The following DENND4C variants were observed in gnomAD, a reference collection of about 807,000 sequenced individuals.
The protein encoded by DENND4C is DENN domain containing 4C.
DENND4C carries 108 observed loss-of-function variants against 203.0 expected under a neutral mutation model. The ratio of observed to expected loss-of-function variants is 0.53; its 90% CI spans 0.46 to 0.62. The LOEUF is 0.62. Ranked by LOEUF, DENND4C falls within the 20% of genes least tolerant of loss-of-function variation. The pLI, the probability that DENND4C is intolerant of heterozygous loss-of-function variation, is 0.00. For synonymous variants in DENND4C, 871 were observed against 792.4 expected, an observed-to-expected ratio of 1.10 and a Z score of -1.67; for missense variants, 2,481 against 2,301.2, an observed-to-expected ratio of 1.08 and a Z score of -1.60.
Position 19,341,101 on chromosome 9 carries a change from A to G in DENND4C, c.2991A>G (p.Lys997=), listed in dbSNP as rs1821522742. 6.2e-7 allele frequency: 1 copy of G among 1,611,080 alleles called. No homozygotes were observed. The highest frequency in any genetic ancestry group is 8.5e-7 in the Non-Finnish European group (1 of 1,178,952). Residue 997 remains lysine (K), a synonymous_variant, in exon 21 of 33, where the codon AAA becomes AAG. Coordinates refer to ENST00000434457, the MANE Select transcript of DENND4C (RefSeq NM_001330640.2). The part of the protein sequence containing the change: ...QAARELITKT[K]MQTEEVCDAS... ...CAAGAGAATTGATAACTAAAACAAA[A>G]ATGCAAACAGAAGGTTAAGTACTGA...
Position 19,332,027 on chromosome 9 carries a change from C to T in DENND4C, c.2303C>T (p.Pro768Leu), listed in dbSNP as rs779984682. The T allele has an allele frequency of 1.9e-6, 3 of 1,613,926 alleles. No individual in the cohort carries two copies. Among genetic ancestry groups the T allele is most frequent in the Non-Finnish European group, 2.5e-6 (3 of 1,179,972 alleles). ...KLAKRCYTNP[P>L]QWAKCLFSHC... ...GCGAAGAGATGTTATACAAATCCAC[C>T]ACAGTGGGCCAAGTGTCTGTTTAGT... Residue 768 changes from proline (P) to leucine (L), a missense_variant, in exon 17 of 33, where the codon CCA becomes CTA. Pro to Leu is a moderately conservative substitution (Grantham distance 98). This residue lies in a region of DENND4C where 2,289 missense variants were observed against 2,113.3 expected (regional missense o/e 1.08). Coordinates refer to ENST00000434457, the MANE Select transcript of DENND4C (RefSeq NM_001330640.2).
Position 19,290,859 on chromosome 9 carries a change from G to T in DENND4C, c.784G>T (p.Gly262Cys), listed in dbSNP as rs767502422. ...AGTTTTTTCAACTTTTGTCTTGACA[G>T]GTTCTTCAGCCAAAAAGGTATGTTT... is the stretch of plus-strand genomic sequence containing the variant. Reference protein sequence around the residue: ...LPVFSTFVLTGSSAKKVYGAA... With the variant: ...LPVFSTFVLTCSSAKKVYGAA... Residue 262 changes from glycine (G) to cysteine (C), a missense_variant, in exon 5 of 33, where the codon GGT becomes TGT. Transcript: ENST00000434457. 1 of 1,613,068 alleles carries T rather than the reference G, an allele frequency of 6.2e-7. No individual in the cohort carries two copies.
intron 1 of DENND4C, among the ~76,000 whole-genome samples, chr9:19,246,774 G>T (rs1825383882): frequency 6.6e-6 from 1 of 151,682 alleles, no homozygotes; most frequent in Non-Finnish European, 1.5e-5. Flanking sequence ...CACATCCCCT[G>T]TATTATTTTT....
At chr9:19,274,038 T>G (rs966148045) in intron 1 of DENND4C, among the ~76,000 whole-genome samples, 2 of 152,002 alleles carry the variant, frequency 1.3e-5, no homozygotes, top group Non-Finnish European at 2.9e-5. Flanking sequence ...GGATAAACAT[T>G]GTGGTATATT....
chr9:19,266,735 C>T (rs1025087145), intron 1 of DENND4C, among the ~76,000 whole-genome samples: 3 of 152,154 alleles, frequency 2.0e-5, no homozygotes, highest in African/African-American at 7.2e-5. Context: ...GAAAGGATTC[C>T]TTATTTAATA....
At position 19,360,302 on chromosome 9, in the gene DENND4C, T is replaced by C. The variant is rs1826200318; in HGVS notation, c.5219T>C (p.Leu1740Pro). The C allele has an allele frequency of 1.2e-6, 2 of 1,613,784 alleles. No individual in the cohort carries two copies. Among genetic ancestry groups the C allele is most frequent in the South Asian group, 1.1e-5 (1 of 91,084 alleles). Residue 1740 changes from leucine to proline, a missense_variant, in exon 29 of 33, where the codon CTA becomes CCA. Physicochemically the swap from Leu to Pro is moderately conservative, Grantham distance 98. Coordinates refer to ENST00000434457, the MANE Select transcript of DENND4C (RefSeq NM_001330640.2). ...GTTTCTGTGCCCTACTTGAGTCCTC[T>C]AGTACTCCGTAAAGAACTTGAATCT... is the stretch of plus-strand genomic sequence containing the variant. Reference protein sequence around the residue: ...PPVSVPYLSPLVLRKELESLL... With the variant: ...PPVSVPYLSPPVLRKELESLL...
At chr9:19,259,073 C>T (rs929249825) in intron 1 of DENND4C, among the ~76,000 whole-genome samples, 3 of 152,106 alleles carry the variant, frequency 2.0e-5, no homozygotes, top group Non-Finnish European at 2.9e-5. Flanking sequence ...TCCATCACTT[C>T]AAGTGTTTAT....
intron 26 of DENND4C, among the ~76,000 whole-genome samples, chr9:19,355,635 A>G (rs1217577731): frequency 6.6e-6 from 1 of 152,038 alleles, no homozygotes; most frequent in Non-Finnish European, 1.5e-5. Context: ...TGTTTTTCTT[A>G]ATGCCATGTT....
chr9:19,274,831 T>C (rs1179108910), intron 1 of DENND4C, among the ~76,000 whole-genome samples: 1 of 152,244 alleles, frequency 6.6e-6, no homozygotes, highest in Admixed American at 6.5e-5. Context: ...GGATCTTGAC[T>C]GATGATGCAC....
intron 10 of DENND4C, among the ~76,000 whole-genome samples, chr9:19,306,895 C>T (rs1839792677): frequency 6.6e-6 from 1 of 151,972 alleles, no homozygotes; most frequent in South Asian, 2.1e-4. Context: ...ATTCTCCTGC[C>T]TCAGCCTTCC....
At chr9:19,288,878 T>G (rs1454102626) in intron 4 of DENND4C, among the ~76,000 whole-genome samples, 1 of 152,218 alleles carries the variant, frequency 6.6e-6, no homozygotes, top group Non-Finnish European at 1.5e-5. Flanking sequence ...TTAATTTAAT[T>G]TAAACATTTA....
rs1190439354 is a variant in DENND4C, at chr9:19,328,158, A to C, written c.2249A>C (p.Lys750Thr). The stretch of plus-strand genomic sequence containing the variant: ...CCACCTCTCATGGCTAAGAGAACTA[A>C]ACAGGTCAGATATTCTTTATCTAAT... ...KSPPLMAKRT[K>T]QEIKTAHKLA... The change falls in exon 16 of 33, where the codon AAA becomes ACA. Residue 750 changes from lysine (K) to threonine (T), a missense_variant. By Grantham distance (78) the Lys-to-Thr change is moderately conservative (BLOSUM62 -1). Around this residue, in one of 3 missense-constraint regions of DENND4C, gnomAD observed 2,289 missense variants for 2,113.3 expected, o/e 1.08. Coordinates refer to ENST00000434457, the MANE Select transcript of DENND4C (RefSeq NM_001330640.2). The C allele has an allele frequency of 6.2e-7, 1 of 1,604,538 alleles. No individual in the cohort carries two copies. The highest frequency in any genetic ancestry group is 8.5e-7 in the Non-Finnish European group (1 of 1,177,554).
intron 1 of DENND4C, among the ~76,000 whole-genome samples, chr9:19,243,681 C>T (rs952145415): frequency 2.0e-5 from 3 of 152,274 alleles, no homozygotes; most frequent in Admixed American, 2.0e-4. Context: ...GTACTTCATT[C>T]CTTTTTATGG....
At chr9:19,237,887 A>T (rs1564073579) in intron 1 of DENND4C, among the ~76,000 whole-genome samples, 1 of 152,184 alleles carries the variant, frequency 6.6e-6, no homozygotes, top group Non-Finnish European at 1.5e-5. Flanking sequence ...CATCCAAAAT[A>T]TTATTCAATA....
At chr9:19,247,384 A>G (rs1224752972) in intron 1 of DENND4C, among the ~76,000 whole-genome samples, 1 of 152,158 alleles carries the variant, frequency 6.6e-6, no homozygotes, top group Non-Finnish European at 1.5e-5. Flanking sequence ...ATTGAACTCC[A>G]CACTATAATG....
chr9:19,328,256 ACC>A, intron 16 of DENND4C, 94 bp downstream of exon 16: 2 of 1,226,308 alleles, frequency 1.6e-6, no homozygotes, highest in Non-Finnish European at 2.2e-6. Context: ...ACCCACAACA[ACC>A]ATTTGAAGAC....
At chr9:19,337,813 A>G (rs977720991) in intron 20 of DENND4C, 8 of 358,756 alleles carry the variant, frequency 2.2e-5, no homozygotes, top group Non-Finnish European at 3.6e-5. Flanking sequence ...GTAATCATAT[A>G]TAGACTCTTG....
At chr9:19,312,142 C>T (rs773881569) in intron 10 of DENND4C, among the ~76,000 whole-genome samples, 11 of 152,134 alleles carry the variant, frequency 7.2e-5, no homozygotes, top group Non-Finnish European at 1.6e-4. Flanking sequence ...CTTGCTCTGT[C>T]GCCCAGGCTG....
At chr9:19,240,110 C>T (rs939691422) in intron 1 of DENND4C, among the ~76,000 whole-genome samples, 2 of 152,138 alleles carry the variant, frequency 1.3e-5, no homozygotes, top group Non-Finnish European at 2.9e-5. Context: ...TAGATGTACA[C>T]AGTCATAAGT....
Sources: gnomAD v4.1 joint callset for allele counts (sites outside exome capture counted in the v4.1 genomes callset) on GRCh38, gnomAD v4.1.1 for gene constraint, gnomAD v4.1.1 regional missense constraint, MANE v1.5 for transcripts, NCBI Gene and HGNC (gene_info 2026-07-23, HGNC 2026-07-21) for gene names.